FSTL5: variants seen among roughly 807,000 people sequenced by gnomAD.
FSTL5 encodes the protein follistatin-related protein 5.
In FSTL5, 62 loss-of-function variants were observed where a neutral mutation model predicts 89.1. The observed-to-expected ratio is 0.70, with a 90% CI of 0.57 to 0.86. The LOEUF (loss-of-function observed/expected upper bound fraction) is 0.86, where lower values mean the gene tolerates loss of function less well. Ranked by LOEUF, FSTL5 falls within the 40% of genes least tolerant of loss-of-function variation. The pLI is 0.00. For missense variants in FSTL5, 1,057 were observed against 1,001.6 expected, an observed-to-expected ratio of 1.06 and a Z score of -0.75; for synonymous variants, 383 against 346.2, an observed-to-expected ratio of 1.11 and a Z score of -1.18.
Position 161,759,538 on chromosome 4 carries a change from A to C in FSTL5, c.607-7T>G. ...GTTCTTCCTGTTTTATCACCTAACA[A>C]GAAAATTATAAACCATACCTTTAGA... On this transcript the variant is annotated splice_polypyrimidine_tract_variant and splice_region_variant and intron_variant, in intron 5 of 15. Coordinates refer to ENST00000306100, the MANE Select transcript of FSTL5 (RefSeq NM_020116.5). 6.6e-7 allele frequency: 1 copy of C among 1,513,360 alleles called. No homozygotes were observed. Among genetic ancestry groups the C allele is most frequent in the Non-Finnish European group, 8.9e-7 (1 of 1,121,782 alleles). 93.7% of individuals were successfully genotyped at this position (1,513,360 alleles called of 1,614,324 possible).
intron 4 of FSTL5, among the ~76,000 whole-genome samples, chr4:161,797,291 G>C (rs1735581975): frequency 6.6e-6 from 1 of 151,444 alleles, no homozygotes; most frequent in African/African-American, 2.4e-5. Context: ...CTATTCAGCA[G>C]GATAATGGTA....
chr4:161,797,251 C>A (rs923221351), intron 4 of FSTL5, among the ~76,000 whole-genome samples: 62 of 151,502 alleles, frequency 4.1e-4, no homozygotes, highest in Middle Eastern at 6.9e-3. Flanking sequence ...ACTTTTTTTA[C>A]TGGCTATTTT....
intron 4 of FSTL5, among the ~76,000 whole-genome samples, chr4:161,865,569 A>G (rs1029326273): frequency 4.6e-5 from 7 of 152,198 alleles, no homozygotes; most frequent in Non-Finnish European, 7.4e-5. Context: ...AAAAATCATG[A>G]TAAGACATAG....
chr4:162,052,165 G>T (rs1245451732), intron 2 of FSTL5, among the ~76,000 whole-genome samples: 2 of 151,480 alleles, frequency 1.3e-5, no homozygotes, highest in Non-Finnish European at 3.0e-5. Flanking sequence ...AATAAGTCTA[G>T]TCTAGTAATT....
chr4:161,812,770 T>C (rs2126841089), intron 4 of FSTL5, among the ~76,000 whole-genome samples: 1 of 149,450 alleles, frequency 6.7e-6, no homozygotes, highest in Middle Eastern at 3.4e-3. Context: ...TTGTTATTCC[T>C]TATGCCGCCC....
intron 4 of FSTL5, among the ~76,000 whole-genome samples, chr4:161,829,987 T>C (rs1250774509): frequency 6.6e-6 from 1 of 152,068 alleles, no homozygotes; most frequent in Non-Finnish European, 1.5e-5. Flanking sequence ...ATGTATATAC[T>C]AGAATGCAAA....
At chr4:162,103,754 A>G (rs1731094287) in intron 2 of FSTL5, among the ~76,000 whole-genome samples, 1 of 152,214 alleles carries the variant, frequency 6.6e-6, no homozygotes. Flanking sequence ...ATCCCTAAGC[A>G]TAGCTGGGAA....
At chr4:161,804,667 A>C (rs1729903826) in intron 4 of FSTL5, among the ~76,000 whole-genome samples, 1 of 152,030 alleles carries the variant, frequency 6.6e-6, no homozygotes, top group African/African-American at 2.4e-5. Context: ...GATGTGCCTA[A>C]CGAAATTTTT....
intron 6 of FSTL5, among the ~76,000 whole-genome samples, chr4:161,657,243 C>T (rs1736550117): frequency 6.6e-6 from 1 of 152,150 alleles, no homozygotes; most frequent in South Asian, 2.1e-4. Flanking sequence ...TCAACTGTAT[C>T]ATTGTCAATT....
intron 2 of FSTL5, among the ~76,000 whole-genome samples, chr4:162,088,943 C>T (rs529890931): frequency 2.6e-5 from 4 of 152,250 alleles, no homozygotes; most frequent in African/African-American, 9.6e-5. Flanking sequence ...GTGTAGGATA[C>T]TTGATCCCCA....
At chr4:162,139,059 T>G (rs924548125) in intron 1 of FSTL5, among the ~76,000 whole-genome samples, 13 of 152,106 alleles carry the variant, frequency 8.5e-5, no homozygotes, top group Non-Finnish European at 1.6e-4. Flanking sequence ...AATAGGTTTC[T>G]TTTTTCCCCA....
At chr4:161,663,893 A>G (rs1027795257) in intron 6 of FSTL5, among the ~76,000 whole-genome samples, 2 of 152,136 alleles carry the variant, frequency 1.3e-5, no homozygotes, top group African/African-American at 4.8e-5. Context: ...CCCAATCCCA[A>G]TTCCTGACTT....
intron 4 of FSTL5, among the ~76,000 whole-genome samples, chr4:161,890,299 T>C (rs1195446655): frequency 5.3e-5 from 8 of 152,302 alleles, no homozygotes; most frequent in African/African-American, 1.7e-4. Flanking sequence ...TGTCAAATTA[T>C]CCATGTTAAA....
intron 7 of FSTL5, among the ~76,000 whole-genome samples, chr4:161,610,939 T>A (rs555163565): frequency 6.6e-6 from 1 of 151,884 alleles, no homozygotes; most frequent in South Asian, 2.1e-4. Flanking sequence ...AGACCTTTTC[T>A]CATTCATAAG....
chr4:161,465,483 CT>C (rs1253012321), intron 13 of FSTL5, among the ~76,000 whole-genome samples: 1 of 152,128 alleles, frequency 6.6e-6, no homozygotes, highest in African/African-American at 2.4e-5. Context: ...AAGATGGGAT[CT>C]TCCTAGTTGC....
At chr4:161,853,129 T>G (rs577666651) in intron 4 of FSTL5, among the ~76,000 whole-genome samples, 3 of 152,328 alleles carry the variant, frequency 2.0e-5, no homozygotes, top group African/African-American at 4.8e-5. Context: ...TAGAAATACT[T>G]CAGTCTTATT....
chr4:161,567,501 T>C (rs1342018463), intron 8 of FSTL5, among the ~76,000 whole-genome samples: 1 of 152,124 alleles, frequency 6.6e-6, no homozygotes, highest in Non-Finnish European at 1.5e-5. Context: ...GGCCACCTCA[T>C]GAGCATTTTG....
chr4:161,957,565 A>C (rs560600917), intron 3 of FSTL5, among the ~76,000 whole-genome samples: 1 of 152,228 alleles, frequency 6.6e-6, no homozygotes, highest in African/African-American at 2.4e-5. Flanking sequence ...ATAAATGGAA[A>C]TATGCCCACA....
At chr4:161,866,670 T>G (rs1312886563) in intron 4 of FSTL5, among the ~76,000 whole-genome samples, 3 of 151,956 alleles carry the variant, frequency 2.0e-5, no homozygotes, top group Non-Finnish European at 4.4e-5. Context: ...ATTATAATTT[T>G]TATAAAATTA....
Sources: gnomAD v4.1 joint callset for allele counts (sites outside exome capture counted in the v4.1 genomes callset) on GRCh38, gnomAD v4.1.1 for gene constraint, MANE v1.5 for transcripts, NCBI Gene and HGNC (gene_info 2026-07-23, HGNC 2026-07-21) for gene names.